Variants in SHB observed in about 807,000 individuals in gnomAD.
SHB encodes the protein SH2 domain-containing adapter protein B.
Under a neutral mutation model 52.3 loss-of-function variants are expected in SHB, and 20 were observed. That is an observed-to-expected ratio of 0.38 (90% CI 0.27 to 0.56). SHB has a LOEUF of 0.56. Among genes scored for constraint, SHB ranks in the 20% least tolerant of loss-of-function variants. The pLI is 0.71. For synonymous variants in SHB, 397 were observed against 316.5 expected (o/e 1.25, Z -2.70); for missense variants, 825 against 723.3 (o/e 1.14, Z -1.61).
chr9:37,945,635 G>A (rs1832482901), intron 5 of SHB, among the ~76,000 whole-genome samples: 1 of 152,210 alleles, frequency 6.6e-6, no homozygotes, highest in Non-Finnish European at 1.5e-5. Context: ...GGGCTCAGAT[G>A]GGTCACCCAA....
intron 1 of SHB, among the ~76,000 whole-genome samples, chr9:38,020,609 T>C (rs752717972): frequency 1.3e-4 from 20 of 152,080 alleles, no homozygotes; most frequent in Non-Finnish European, 2.2e-4. Flanking sequence ...ATGGAGGAAA[T>C]GGTAACCCCT....
intron 3 of SHB, among the ~76,000 whole-genome samples, chr9:37,974,258 AAAATAAAT>A (rs756553606): frequency 2.6e-5 from 4 of 152,104 alleles, no homozygotes; most frequent in African/African-American, 9.7e-5. Flanking sequence ...CTCTGTCTCA[AAAATAAAT>A]AAATAAATAA....
At position 37,956,008 on chromosome 9, in the gene SHB, C is replaced by T. The variant is rs562107349; in HGVS notation, c.1101G>A (p.Ser367=). The change falls in exon 4 of 6, where the codon TCG becomes TCA. Residue 367 remains serine, a synonymous_variant. Coordinates refer to ENST00000377707, the MANE Select transcript of SHB (RefSeq NM_003028.3). ...CACGAAGCTGGCGCCGCCGGTCCCG[C>T]GAAGGTGAGGGGGATGACTGCCGCT... is the stretch of plus-strand genomic sequence containing the variant. ...NEKRQSSPSP[S]RDRRRQLRAP... The T allele has an allele frequency of 5.0e-6, 8 of 1,588,108 alleles. No individual in the cohort carries two copies. The highest frequency in any genetic ancestry group is 4.5e-5 in the East Asian group (2 of 44,132).
chr9:38,053,487 C>A (rs1821778380), intron 1 of SHB, among the ~76,000 whole-genome samples: 1 of 152,078 alleles, frequency 6.6e-6, no homozygotes, highest in South Asian at 2.1e-4. Context: ...TCCGCCCACC[C>A]CAGTCTCCCA....
intron 1 of SHB, among the ~76,000 whole-genome samples, chr9:38,030,511 T>TTA (rs1314216822): frequency 6.6e-6 from 1 of 152,068 alleles, no homozygotes; most frequent in Non-Finnish European, 1.5e-5. Context: ...CCAATGCACT[T>TTA]TATTTCTGGG....
At chr9:38,033,019 A>G (rs1821436358) in intron 1 of SHB, among the ~76,000 whole-genome samples, 1 of 152,166 alleles carries the variant, frequency 6.6e-6, no homozygotes, top group Admixed American at 6.5e-5. Flanking sequence ...AGAAAACCTG[A>G]TTTTTCTCAT....
chr9:37,964,994 C>T (rs928487107), intron 3 of SHB, among the ~76,000 whole-genome samples: 3 of 152,226 alleles, frequency 2.0e-5, no homozygotes, highest in Non-Finnish European at 4.4e-5. Flanking sequence ...ACACTTTCAC[C>T]TGCAGACACC....
chr9:37,962,057 G>A (rs1418252694), intron 3 of SHB, among the ~76,000 whole-genome samples: 1 of 152,216 alleles, frequency 6.6e-6, no homozygotes. Context: ...TCATTACTGA[G>A]TGACTTGGGG....
chr9:37,975,287 A>G, intron 2 of SHB, among the ~76,000 whole-genome samples: 1 of 152,032 alleles, frequency 6.6e-6, no homozygotes, highest in Non-Finnish European at 1.5e-5. Context: ...TGCAGTTCCC[A>G]GTTCCCACCA....
rs115510135 is a variant in SHB at position 37,929,061 on chromosome 9, T to C, written c.1347-9057A>G. Among the ~76,000 whole-genome samples the C allele has an allele frequency of 8.5e-3, 1,298 of 152,272 alleles. 18 individuals are homozygous for C. The highest frequency in any genetic ancestry group is 0.03 in the African/African-American group (1,230 of 41,558). On this transcript the variant is annotated intron_variant, in intron 5 of 5. Coordinates refer to ENST00000377707, the MANE Select transcript of SHB (RefSeq NM_003028.3). ...CTGGAGAGGGGGGTGGGCCTTGGGG[T>C]GCCTGAGGATGGTGCTGTACGCAGC...
At chr9:37,967,429 C>T (rs1361284302) in intron 3 of SHB, among the ~76,000 whole-genome samples, 1 of 152,156 alleles carries the variant, frequency 6.6e-6, no homozygotes, top group Non-Finnish European at 1.5e-5. Flanking sequence ...AGCATAAGCA[C>T]CCCACACGCT....
chr9:37,969,917 A>C (rs1820572288), intron 3 of SHB, among the ~76,000 whole-genome samples: 2 of 152,246 alleles, frequency 1.3e-5, no homozygotes, highest in Admixed American at 6.5e-5. Context: ...CAGAGCAAGA[A>C]GGCCATTTCT....
intron 3 of SHB, among the ~76,000 whole-genome samples, chr9:37,965,543 T>C (rs1273964555): frequency 1.3e-5 from 2 of 151,844 alleles, no homozygotes; most frequent in Non-Finnish European, 2.9e-5. Flanking sequence ...GAACACAGGG[T>C]TGGTTTTCCT....
At chr9:37,997,711 T>C (rs551669381) in intron 2 of SHB, among the ~76,000 whole-genome samples, 1 of 152,268 alleles carries the variant, frequency 6.6e-6, no homozygotes, top group East Asian at 1.9e-4. Flanking sequence ...GCTGTCCAGC[T>C]CCACCACCTC....
At chr9:38,037,355 C>G (rs958938306) in intron 1 of SHB, among the ~76,000 whole-genome samples, 1 of 152,212 alleles carries the variant, frequency 6.6e-6, no homozygotes, top group Non-Finnish European at 1.5e-5. Flanking sequence ...CACCTGCCCC[C>G]ACCACTGCCC....
At chr9:37,924,149 A>C (rs1340952454) in intron 5 of SHB, among the ~76,000 whole-genome samples, 1 of 152,190 alleles carries the variant, frequency 6.6e-6, no homozygotes, top group Non-Finnish European at 1.5e-5. Context: ...GAGTCTTGTA[A>C]GGCTGGCAGA....
intron 2 of SHB, among the ~76,000 whole-genome samples, chr9:37,979,650 CA>C (rs566684867): frequency 6.7e-6 from 1 of 150,354 alleles, no homozygotes; most frequent in South Asian, 2.1e-4. Context: ...ACAACAACAA[CA>C]AAAAAAACAG....
At chr9:37,955,082 A>G (rs1180801726) in intron 4 of SHB, among the ~76,000 whole-genome samples, 1 of 152,194 alleles carries the variant, frequency 6.6e-6, no homozygotes, top group Admixed American at 6.5e-5. Context: ...TAACAGTATC[A>G]AGCAGACATG....
At chr9:37,927,911 T>C (rs1280708577) in intron 5 of SHB, among the ~76,000 whole-genome samples, 1 of 151,546 alleles carries the variant, frequency 6.6e-6, no homozygotes, top group Non-Finnish European at 1.5e-5. Context: ...AAACAGGGTC[T>C]AGGGCTTCTT....
Sources: allele counts gnomAD v4.1 joint callset (sites outside exome capture counted in the v4.1 genomes callset), GRCh38; gene constraint gnomAD v4.1.1; transcripts MANE v1.5; gene names NCBI Gene and HGNC (gene_info 2026-07-23, HGNC 2026-07-21).